IGFL2: variants seen among roughly 807,000 people sequenced by gnomAD.
IGFL2 encodes the protein IGF like family member 2.
Under a neutral mutation model 13.9 loss-of-function variants are expected in IGFL2, and 7 were observed. The observed-to-expected ratio is 0.51, with a 90% confidence interval of 0.29 to 0.95. The LOEUF is 0.95. IGFL2 is among the 40% of genes least tolerant of loss of function. IGFL2 has a pLI of 0.08. For synonymous variants in IGFL2, 55 were observed against 55.8 expected (o/e 0.99, Z 0.07); for missense variants, 138 against 147.8 (o/e 0.93, Z 0.34).
At chr19:46,183,294 A>T in the IGFL2 span, among the ~76,000 whole-genome samples, 2 of 152,286 alleles carry the variant, frequency 1.3e-5, no homozygotes, top group East Asian at 3.9e-4. Flanking sequence ...TTCTCCTGAC[A>T]TGTAGGATTA....
the IGFL2 span, among the ~76,000 whole-genome samples, chr19:46,084,216 T>A: frequency 6.6e-6 from 1 of 152,246 alleles, no homozygotes; most frequent in African/African-American, 2.4e-5. Flanking sequence ...ATACATATGA[T>A]ATATCCTGGA....
At chr19:46,149,031 G>A (rs1160811310) in intron 1 of IGFL2, 2 of 1,605,440 alleles carry the variant, frequency 1.2e-6, no homozygotes, top group Non-Finnish European at 1.7e-6. Flanking sequence ...CCCCAGGAGT[G>A]TGCTGGGTAA....
At chr19:46,130,940 G>C in the IGFL2 span, among the ~76,000 whole-genome samples, 1 of 152,118 alleles carries the variant, frequency 6.6e-6, no homozygotes, top group Non-Finnish European at 1.5e-5. Flanking sequence ...TTATGCAGCA[G>C]TGTCTTTTAC....
the IGFL2 span, among the ~76,000 whole-genome samples, chr19:46,121,460 A>G: frequency 2.0e-5 from 3 of 150,052 alleles, no homozygotes; most frequent in Admixed American, 6.7e-5. Flanking sequence ...ACTTACTCCA[A>G]CACTCATAGC....
At chr19:46,137,499 T>G in the IGFL2 span, 1 of 1,146,252 alleles carries the variant, frequency 8.7e-7, no homozygotes. Flanking sequence ...CCCCTTCTCC[T>G]TCTCTTGCCT....
the IGFL2 span, among the ~76,000 whole-genome samples, chr19:46,166,979 A>G: frequency 1.3e-5 from 2 of 152,226 alleles, no homozygotes; most frequent in Non-Finnish European, 2.9e-5. Flanking sequence ...AATGATATAC[A>G]TCCTCCTCAA....
intron 1 of IGFL2, among the ~76,000 whole-genome samples, chr19:46,154,800 G>A (rs984654456): frequency 6.6e-6 from 1 of 152,048 alleles, no homozygotes; most frequent in Non-Finnish European, 1.5e-5. Context: ...CCTCTTCTTG[G>A]TTTTTTAGCA....
chr19:46,165,096 C>G (rs1974336046), downstream of IGFL2, among the ~76,000 whole-genome samples: 1 of 152,238 alleles, frequency 6.6e-6, no homozygotes, highest in Non-Finnish European at 1.5e-5. Flanking sequence ...AAGGGGCCCA[C>G]TGGGACTGGT....
At chr19:46,150,906 A>C (rs575469611) in intron 1 of IGFL2, among the ~76,000 whole-genome samples, 1 of 152,042 alleles carries the variant, frequency 6.6e-6, no homozygotes, top group Non-Finnish European at 1.5e-5. Context: ...GGCTCAAGCA[A>C]CCCTCCTCCT....
At chr19:46,113,456 G>T in the IGFL2 span, 2 of 387,730 alleles carry the variant, frequency 5.2e-6, no homozygotes, top group Non-Finnish European at 5.2e-6. Context: ...AGATATCCAG[G>T]ATTACGACAA....
At chr19:46,097,627 T>C in the IGFL2 span, among the ~76,000 whole-genome samples, 33 of 152,344 alleles carry the variant, frequency 2.2e-4, no homozygotes, top group East Asian at 2.5e-3. Context: ...GCTTTCTAGC[T>C]TTCTGATGTA....
chr19:46,174,249 G>A, the IGFL2 span, among the ~76,000 whole-genome samples: 233 of 152,322 alleles, frequency 1.5e-3, 1 homozygote, highest in African/African-American at 5.0e-3. Flanking sequence ...TGAACATGCA[G>A]CGCTGCTTGT....
chr19:46,120,134 A>T, the IGFL2 span: 1 of 671,420 alleles, frequency 1.5e-6, no homozygotes, highest in Non-Finnish European at 2.4e-6. Context: ...GGGGAGCTGG[A>T]AAGGGGATGA....
chr19:46,176,060 G>C, the IGFL2 span, among the ~76,000 whole-genome samples: 2 of 120,956 alleles, frequency 1.7e-5, no homozygotes, highest in Non-Finnish European at 3.2e-5. Flanking sequence ...TCACCACGTT[G>C]GTCAGGCTGG....
At chr19:46,123,193 A>G in the IGFL2 span, among the ~76,000 whole-genome samples, 7 of 150,928 alleles carry the variant, frequency 4.6e-5, 1 homozygote, top group African/African-American at 1.7e-4. Flanking sequence ...CCATAATAAA[A>G]GGACAGATAT....
the IGFL2 span, chr19:46,137,533 C>A: frequency 1.8e-6 from 2 of 1,081,116 alleles, no homozygotes; most frequent in Admixed American, 3.4e-5. Flanking sequence ...AAGGAAGGTC[C>A]AAGGGAATGT....
the IGFL2 span, among the ~76,000 whole-genome samples, chr19:46,099,872 CTTATT>C: frequency 2.6e-5 from 4 of 151,926 alleles, no homozygotes; most frequent in African/African-American, 9.7e-5. Context: ...GTCTGCTTGC[CTTATT>C]TCAGCAAGAT....
chr19:46,110,243 G>T, the IGFL2 span, among the ~76,000 whole-genome samples: 3 of 152,218 alleles, frequency 2.0e-5, no homozygotes, highest in Admixed American at 2.0e-4. Context: ...AGAAGAAGGT[G>T]TATAAGCAAG....
At chr19:46,104,442 C>T in the IGFL2 span, among the ~76,000 whole-genome samples, 12 of 152,200 alleles carry the variant, frequency 7.9e-5, no homozygotes, top group Non-Finnish European at 1.5e-4. Flanking sequence ...GGTGATTTGA[C>T]TAATAAAAGC....
Sources: allele counts gnomAD v4.1 joint callset (sites outside exome capture counted in the v4.1 genomes callset), GRCh38; gene constraint gnomAD v4.1.1; transcripts MANE v1.5; gene names NCBI Gene and HGNC (gene_info 2026-07-23, HGNC 2026-07-21).